The following COL21A1 variants were observed in gnomAD, a reference collection of about 807,000 sequenced individuals.
COL21A1 encodes collagen alpha-1(XXI) chain.
Under a neutral mutation model 137.9 loss-of-function variants are expected in COL21A1, and 149 were observed. That is an observed-to-expected ratio of 1.08 (90% confidence interval 0.95 to 1.24). COL21A1 has a LOEUF of 1.24. COL21A1 is among the 50% of genes most tolerant of loss of function. The probability of loss-of-function intolerance (pLI) is 0.00; values close to 1 mark genes in which losing one functional copy is unlikely to be tolerated. For missense variants in COL21A1, 1,167 were observed against 1,158.4 expected, an observed-to-expected ratio of 1.01 and a Z score of -0.11; for synonymous variants, 456 against 391.5, an observed-to-expected ratio of 1.16 and a Z score of -1.95.
chr6:56,255,175 T>C (rs1782936363), intron 1 of COL21A1, among the ~76,000 whole-genome samples: 1 of 152,188 alleles, frequency 6.6e-6, no homozygotes, highest in Non-Finnish European at 1.5e-5. Flanking sequence ...CAAGTCATAA[T>C]CATAATCATA....
chr6:56,148,627 C>T (rs1485620562), intron 10 of COL21A1, among the ~76,000 whole-genome samples: 1 of 152,120 alleles, frequency 6.6e-6, no homozygotes, highest in East Asian at 1.9e-4. Flanking sequence ...CCACAACTGG[C>T]ACCATGTTCA....
In COL21A1 at chr6:56,179,657, C is replaced by A. The variant is rs376475214; in HGVS notation, c.561G>T (p.Ser187=). Residue 187 remains serine (S), a synonymous_variant, in exon 3 of 30, where the codon TCG becomes TCT. Transcript: ENST00000244728. ...CTTCCACATAAAACACATAAGTAGA[C>A]GAAGGCTTGTTGGCAATAGCTCTAA... ...AELRAIANKP[S]STYVFYVEDY... is the part of the protein sequence containing the mutation. 5.0e-6 allele frequency: 8 copies of A among 1,613,862 alleles called. No individual in the cohort carries two copies. The highest frequency in any genetic ancestry group is 6.8e-6 in the Non-Finnish European group (8 of 1,179,836).
intron 1 of COL21A1, among the ~76,000 whole-genome samples, chr6:56,258,057 T>C (rs1297589417): frequency 6.6e-6 from 1 of 152,098 alleles, no homozygotes; most frequent in African/African-American, 2.4e-5. Flanking sequence ...AATAAGTACA[T>C]CTTATTTTAT....
chr6:56,148,787 G>T (rs1176410164), intron 10 of COL21A1, among the ~76,000 whole-genome samples: 1 of 152,092 alleles, frequency 6.6e-6, no homozygotes, highest in African/African-American at 2.4e-5. Flanking sequence ...CACCATTCTT[G>T]AATATTTCAA....
chr6:56,154,890 A>G (rs1380856817), intron 10 of COL21A1, among the ~76,000 whole-genome samples: 3 of 151,936 alleles, frequency 2.0e-5, no homozygotes, highest in Non-Finnish European at 4.4e-5. Context: ...CTACTTTTTA[A>G]GAAAAAAAAA....
intron 1 of COL21A1, among the ~76,000 whole-genome samples, chr6:56,326,010 T>TATAATATATAATATA: frequency 3.3e-4 from 1 of 3,028 alleles, no homozygotes; most frequent in Admixed American, 4.1e-3. Flanking sequence ...ACATATATTA[T>TATAATATATAATATA]GTATATGTAT....
intron 1 of COL21A1, among the ~76,000 whole-genome samples, chr6:56,273,445 C>T (rs1474925638): frequency 6.6e-6 from 1 of 152,098 alleles, no homozygotes; most frequent in Non-Finnish European, 1.5e-5. Flanking sequence ...AAAGTTAGTA[C>T]TTCAAAAGAA....
chr6:56,089,715 G>A (rs1768611823), intron 17 of COL21A1, among the ~76,000 whole-genome samples: 1 of 152,098 alleles, frequency 6.6e-6, no homozygotes, highest in Admixed American at 6.6e-5. Context: ...CCCCATACCA[G>A]TGAGACTACT....
intron 7 of COL21A1, chr6:56,166,652 A>C (rs1351255614): frequency 1.9e-6 from 1 of 538,164 alleles, no homozygotes; most frequent in East Asian, 3.5e-5. Context: ...ACTCCAAATC[A>C]AAACAAAACA....
intron 9 of COL21A1, among the ~76,000 whole-genome samples, chr6:56,163,492 C>T (rs1340590212): frequency 1.3e-5 from 2 of 152,104 alleles, no homozygotes; most frequent in African/African-American, 4.8e-5. Flanking sequence ...GGGCGGATCA[C>T]GAGGTCAAGA....
intron 1 of COL21A1, among the ~76,000 whole-genome samples, chr6:56,287,471 A>G (rs890810055): frequency 6.6e-6 from 1 of 152,090 alleles, no homozygotes; most frequent in Non-Finnish European, 1.5e-5. Flanking sequence ...TTCTCATGAT[A>G]TTGAGTGAGT....
In COL21A1 at chr6:56,166,935, G is replaced by A. The variant is rs532174153; in HGVS notation, c.1249C>T (p.Arg417Trp). The change falls in exon 7 of 30, where the codon CGG (arginine) becomes TGG (tryptophan). Residue 417 changes from arginine to tryptophan, a missense_variant. Transcript: ENST00000244728. Reference protein sequence around the residue: ...RIYCDPEQNNRETACEIPGFN... With the variant: ...RIYCDPEQNNWETACEIPGFN... ...CCAGGAATCTCACATGCTGTCTCCCGGTTGTTCTGTTCTGGGTCACAGTAG... is the reference window on the plus strand; with the variant it reads ...CCAGGAATCTCACATGCTGTCTCCCAGTTGTTCTGTTCTGGGTCACAGTAG... 34 of 1,612,526 alleles carry A rather than the reference G, an allele frequency of 2.1e-5. No individual in the cohort carries two copies. Among genetic ancestry groups the A allele is most frequent in the Admixed American group, 3.3e-5 (2 of 59,920 alleles).
chr6:56,098,560 TATATAA>T (rs1562193136), intron 17 of COL21A1, among the ~76,000 whole-genome samples: 2 of 21,252 alleles, frequency 9.4e-5, no homozygotes, highest in Admixed American at 7.6e-4. Flanking sequence ...TATATATAAA[TATATAA>T]ATATATATAA....
chr6:56,243,137 G>A (rs1410467951), intron 1 of COL21A1, among the ~76,000 whole-genome samples: 1 of 152,106 alleles, frequency 6.6e-6, no homozygotes, highest in African/African-American at 2.4e-5. Context: ...ATGAGTACAT[G>A]AGAATCCCAT....
At chr6:56,209,200 A>C (rs1216933588) in intron 1 of COL21A1, among the ~76,000 whole-genome samples, 2 of 152,216 alleles carry the variant, frequency 1.3e-5, no homozygotes, top group Admixed American at 6.5e-5. Flanking sequence ...TGGCAATACC[A>C]TTCAGGACTT....
chr6:56,327,976 G>GA (rs796914748), intron 1 of COL21A1, among the ~76,000 whole-genome samples: 3 of 152,174 alleles, frequency 2.0e-5, no homozygotes, highest in African/African-American at 7.2e-5. Context: ...AGCCTGATTA[G>GA]AAGTAGCTAT....
At chr6:56,375,494 C>T (rs772411741) in intron 1 of COL21A1, among the ~76,000 whole-genome samples, 6 of 152,208 alleles carry the variant, frequency 3.9e-5, no homozygotes, top group Admixed American at 6.5e-5. Context: ...TGGAAAGGCA[C>T]GGCCTCCAGG....
At chr6:56,262,313 A>T (rs1763298156) in intron 1 of COL21A1, among the ~76,000 whole-genome samples, 1 of 152,180 alleles carries the variant, frequency 6.6e-6, no homozygotes, top group African/African-American at 2.4e-5. Context: ...TATTCCCACA[A>T]TAACAGTAGC....
chr6:56,172,057 T>C (rs1042843334), intron 3 of COL21A1, among the ~76,000 whole-genome samples: 2 of 126,268 alleles, frequency 1.6e-5, no homozygotes, highest in African/African-American at 6.7e-5. Context: ...TATATGCATT[T>C]TGCGAGTTCC....
Sources: allele counts gnomAD v4.1 joint callset (sites outside exome capture counted in the v4.1 genomes callset), GRCh38; gene constraint gnomAD v4.1.1; transcripts MANE v1.5; gene names NCBI Gene and HGNC (gene_info 2026-07-23, HGNC 2026-07-21).